ITGA8: variants seen among roughly 807,000 people sequenced by gnomAD.
ITGA8 encodes integrin alpha-8.
ITGA8 carries 91 observed loss-of-function variants against 142.3 expected under a neutral mutation model. That is an observed-to-expected ratio of 0.64 (90% confidence interval 0.54 to 0.76). The LOEUF is 0.76. ITGA8 is among the 30% of genes least tolerant of loss of function. The pLI is 0.00. For synonymous variants in ITGA8, 505 were observed against 485.2 expected, an observed-to-expected ratio of 1.04 and a Z score of -0.54; for missense variants, 1,406 against 1,327.7, an observed-to-expected ratio of 1.06 and a Z score of -0.92.
At chr10:15,701,392 G>A (rs1468643531) in intron 2 of ITGA8, among the ~76,000 whole-genome samples, 1 of 152,168 alleles carries the variant, frequency 6.6e-6, no homozygotes, top group Non-Finnish European at 1.5e-5. Context: ...AGTCAACCCG[G>A]GAACTTTAGA....
chr10:15,678,652 G>T, intron 5 of ITGA8, 70 bp downstream of exon 5: 1 of 987,624 alleles, frequency 1.0e-6, no homozygotes, highest in Non-Finnish European at 1.6e-6. Context: ...TTTGGGGTGT[G>T]GGAGTGAGAG....
At chr10:15,701,873 T>G (rs919030020) in intron 2 of ITGA8, among the ~76,000 whole-genome samples, 9 of 152,220 alleles carry the variant, frequency 5.9e-5, no homozygotes, top group Non-Finnish European at 4.4e-5. Context: ...ACCATTTGTT[T>G]ATAATCTTTA....
chr10:15,580,367 GA>G (rs1406362422), intron 23 of ITGA8, among the ~76,000 whole-genome samples: 1 of 152,072 alleles, frequency 6.6e-6, no homozygotes, highest in Admixed American at 6.5e-5. Flanking sequence ...ATCTAAGAAT[GA>G]AGTTGACTTG....
chr10:15,525,523 T>TC (rs1422309636), intron 28 of ITGA8, among the ~76,000 whole-genome samples: 6 of 151,130 alleles, frequency 4.0e-5, no homozygotes, highest in African/African-American at 1.5e-4. Context: ...ACACCTGTAA[T>TC]CCCAGCTACT....
Position 15,718,944 on chromosome 10 carries a change from C to T in ITGA8, c.210-45G>A, listed in dbSNP as rs373741368. The T allele has an allele frequency of 6.8e-6, 11 of 1,612,930 alleles. No individual in the cohort carries two copies. In the African/African-American group the frequency reaches 9.3e-5, roughly 14 times the overall value. ...AGTCACTCTTTGGGCGCCACAAAAC[C>T]GTGCGCATGCAATGCAGTCTCTGTA... On this transcript the variant is annotated intron_variant, in intron 1 of 29. Transcript: ENST00000378076.
intron 23 of ITGA8, among the ~76,000 whole-genome samples, chr10:15,581,898 C>T (rs1411986515): frequency 6.6e-6 from 1 of 152,152 alleles, no homozygotes; most frequent in African/African-American, 2.4e-5. Flanking sequence ...CAAAGTAATT[C>T]AGTGGGGGGA....
At chr10:15,562,232 G>A (rs559885499) in intron 25 of ITGA8, among the ~76,000 whole-genome samples, 1 of 152,338 alleles carries the variant, frequency 6.6e-6, no homozygotes, top group East Asian at 1.9e-4. Context: ...TGCGTAGGAA[G>A]GACAGAGAGA....
chr10:15,592,973 C>G (rs1832951204), intron 21 of ITGA8, among the ~76,000 whole-genome samples: 1 of 152,124 alleles, frequency 6.6e-6, no homozygotes, highest in Non-Finnish European at 1.5e-5. Context: ...GAAGTCAACG[C>G]AACAATATGG....
At chr10:15,608,347 C>A in intron 15 of ITGA8, 57 bp from the exon 16 acceptor site, 5 of 953,774 alleles carry the variant, frequency 5.2e-6, no homozygotes, top group South Asian at 2.9e-5. Flanking sequence ...AAAGTAGAAG[C>A]CTTCCTTTAC....
chr10:15,545,428 A>C (rs964366453), intron 27 of ITGA8, among the ~76,000 whole-genome samples: 2 of 152,190 alleles, frequency 1.3e-5, no homozygotes, highest in Non-Finnish European at 2.9e-5. Flanking sequence ...AGTGCTTTCA[A>C]TATTGCCCTT....
rs1356454962 is a variant in ITGA8, at chr10:15,514,896, G to C, written c.*2262C>G. ...GAGCCCTCATGCCTTGCTTCATTCTGGGTCTCAGTCTTCCTCCTGGCATCT... is the reference window on the plus strand; with the variant it reads ...GAGCCCTCATGCCTTGCTTCATTCTCGGTCTCAGTCTTCCTCCTGGCATCT... On this transcript the variant is annotated 3_prime_UTR_variant, in exon 30 of 30. Coordinates refer to ENST00000378076, the MANE Select transcript of ITGA8 (RefSeq NM_003638.3). The C allele has an allele frequency of 6.6e-6, 1 of 152,284 alleles. No individual in the cohort carries two copies. Among genetic ancestry groups the C allele is most frequent in the African/African-American group, 2.4e-5 (1 of 41,436 alleles). The allele number at this position is 152,284 out of a possible 1,614,324, so 9.4% of individuals were successfully genotyped here.
chr10:15,517,290 C>A, intron 29 of ITGA8, 46 bp from the exon 30 acceptor site: 2 of 1,267,826 alleles, frequency 1.6e-6, no homozygotes, highest in South Asian at 1.3e-5. Context: ...TTCTGGGAAC[C>A]TGTGAAACCC....
chr10:15,562,762 C>T (rs1175672960), intron 25 of ITGA8, among the ~76,000 whole-genome samples: 2 of 152,142 alleles, frequency 1.3e-5, no homozygotes, highest in Admixed American at 1.3e-4. Flanking sequence ...CTTGGATAGC[C>T]CAGCACTGTG....
At chr10:15,538,525 A>C (rs961681557) in intron 27 of ITGA8, among the ~76,000 whole-genome samples, 42 of 151,068 alleles carry the variant, frequency 2.8e-4, no homozygotes, top group South Asian at 1.0e-3. Flanking sequence ...AAAAAAAAAA[A>C]AAAAAACTAT....
intron 2 of ITGA8, among the ~76,000 whole-genome samples, chr10:15,714,042 G>C (rs937450802): frequency 1.3e-5 from 2 of 152,066 alleles, no homozygotes; most frequent in Non-Finnish European, 2.9e-5. Flanking sequence ...CAGCTGTATT[G>C]CTTCTCTGTC....
In ITGA8 at chr10:15,614,882, G is replaced by A. The variant is rs373999484; in HGVS notation, c.1446-1115C>T. Among the ~76,000 whole-genome samples, 23 of 152,202 alleles carry A rather than the reference G, an allele frequency of 1.5e-4. No individual in the cohort carries two copies. The South Asian group carries it at 2.3e-3, about 15-fold the overall frequency. On this transcript the variant is annotated intron_variant, in intron 14 of 29. Transcript: ENST00000378076. ...TCCTTGGAAAAGCAGGTGATAAAAC[G>A]GAACTAGATATGCAAGAGATATACT... is the stretch of plus-strand genomic sequence containing the variant.
chr10:15,637,519 T>G (rs565380219), intron 13 of ITGA8, among the ~76,000 whole-genome samples: 207 of 150,152 alleles, frequency 1.4e-3, no homozygotes, highest in African/African-American at 4.2e-3. Context: ...TTTTTTTTTT[T>G]TTTGTTTTTG....
chr10:15,716,514 T>C (rs1011922717), intron 2 of ITGA8, among the ~76,000 whole-genome samples: 2 of 152,188 alleles, frequency 1.3e-5, no homozygotes, highest in African/African-American at 4.8e-5. Flanking sequence ...ACTGTTTTAC[T>C]GCAAATATAA....
intron 13 of ITGA8, among the ~76,000 whole-genome samples, chr10:15,642,339 T>C (rs1588693199): frequency 6.6e-6 from 1 of 152,168 alleles, no homozygotes; most frequent in Non-Finnish European, 1.5e-5. Flanking sequence ...ATGTGATGGA[T>C]ACATCCTCTA....
Sources: gnomAD v4.1 joint callset for allele counts (sites outside exome capture counted in the v4.1 genomes callset) on GRCh38, gnomAD v4.1.1 for gene constraint, MANE v1.5 for transcripts, NCBI Gene and HGNC (gene_info 2026-07-23, HGNC 2026-07-21) for gene names.